MAGI1: variants seen among roughly 807,000 people sequenced by gnomAD.
The protein encoded by MAGI1 is membrane associated guanylate kinase, WW and PDZ domain containing 1.
Under a neutral mutation model 139.9 loss-of-function variants are expected in MAGI1, and 58 were observed. The observed-to-expected ratio is 0.41, with a 90% CI of 0.34 to 0.52. The LOEUF (loss-of-function observed/expected upper bound fraction) is 0.52. MAGI1 is among the 20% of genes least tolerant of loss of function. MAGI1 has a pLI of 0.12. For synonymous variants in MAGI1, 812 were observed against 737.9 expected (o/e 1.10, Z -1.63); for missense variants, 1,874 against 1,901.6 (o/e 0.99, Z 0.27).
intron 22 of MAGI1, chr3:65,359,834 G>A (rs1386087301): frequency 1.0e-5 from 10 of 985,488 alleles, no homozygotes; most frequent in Non-Finnish European, 1.1e-5. Flanking sequence ...GTTTTGAGAA[G>A]GTACACAGGT....
intron 1 of MAGI1, among the ~76,000 whole-genome samples, chr3:65,641,298 A>G (rs2084970259): frequency 6.6e-6 from 1 of 152,158 alleles, no homozygotes. Flanking sequence ...GAATGTTGTT[A>G]CCTCTAAGAC....
intron 1 of MAGI1, among the ~76,000 whole-genome samples, chr3:65,794,979 C>T (rs985665991): frequency 5.3e-5 from 8 of 152,012 alleles, no homozygotes; most frequent in Admixed American, 6.5e-5. Flanking sequence ...TATCCAACGA[C>T]GCAAATGACT....
At chr3:65,650,162 T>A (rs2085501006) in intron 1 of MAGI1, among the ~76,000 whole-genome samples, 1 of 152,194 alleles carries the variant, frequency 6.6e-6, no homozygotes, top group Non-Finnish European at 1.5e-5. Context: ...TGCTCTTGCA[T>A]AAATGCTCTG....
At chr3:65,610,802 TA>T (rs1343370462) in intron 2 of MAGI1, among the ~76,000 whole-genome samples, 1 of 127,620 alleles carries the variant, frequency 7.8e-6, no homozygotes, top group Admixed American at 8.2e-5. Flanking sequence ...ATAGTATATA[TA>T]GGTATATATA....
chr3:65,791,159 C>G (rs1163319994), intron 1 of MAGI1, among the ~76,000 whole-genome samples: 1 of 152,216 alleles, frequency 6.6e-6, no homozygotes, highest in South Asian at 2.1e-4. Flanking sequence ...CCCCACACAG[C>G]GCGTGCTGTC....
At chr3:65,907,919 C>T (rs1322727665) in intron 1 of MAGI1, among the ~76,000 whole-genome samples, 5 of 152,168 alleles carry the variant, frequency 3.3e-5, no homozygotes, top group African/African-American at 1.2e-4. Flanking sequence ...TCCCCTGTCA[C>T]GTGTTACCCC....
intron 1 of MAGI1, among the ~76,000 whole-genome samples, chr3:65,778,391 T>C (rs779362847): frequency 7.0e-5 from 10 of 142,796 alleles, no homozygotes; most frequent in Non-Finnish European, 1.2e-4. Flanking sequence ...GATAGTGCCA[T>C]TGCATTCCAG....
chr3:65,540,814 C>T (rs889957321), intron 2 of MAGI1, among the ~76,000 whole-genome samples: 2 of 152,120 alleles, frequency 1.3e-5, no homozygotes, highest in Non-Finnish European at 2.9e-5. Flanking sequence ...ATGGTGACTG[C>T]AAATGCAGCC....
chr3:65,581,346 A>C lies in MAGI1; in HGVS notation c.430+40626T>G, dbSNP rs1431306324. Among the ~76,000 whole-genome samples, 5 of 152,326 alleles carry C rather than the reference A, an allele frequency of 3.3e-5. No homozygotes were observed. The East Asian group carries it at 9.6e-4, about 29-fold the overall frequency. ...AAGAGAATTTTACTGTCCAGTAAAA[A>C]GGAAAATTACTGTACAAGAAAAAAA... On this transcript the variant is annotated intron_variant, in intron 2 of 22. Coordinates refer to ENST00000402939, the MANE Select transcript of MAGI1 (RefSeq NM_001033057.2).
rs190361497 is a variant in MAGI1 at position 65,543,761 on chromosome 3, G to T, written c.431-50130C>A. Among the ~76,000 whole-genome samples the T allele has an allele frequency of 1.8e-3, 267 of 151,966 alleles. 1 individual carries two copies. Among genetic ancestry groups the T allele is most frequent in the African/African-American group, 2.8e-3 (115 of 41,472 alleles). ...CACTGGGGCCTGTCAGGGATGGGGG[G>T]GGGTACAAGAGGGATAGCATTTGGA... On this transcript the variant is annotated intron_variant, in intron 2 of 22. Coordinates refer to ENST00000402939, the MANE Select transcript of MAGI1 (RefSeq NM_001033057.2).
At position 65,645,811 on chromosome 3, in the gene MAGI1, T is replaced by A. The variant is rs187006517; in HGVS notation, c.314-23723A>T. Among the ~76,000 whole-genome samples the A allele has an allele frequency of 3.8e-3, 586 of 152,220 alleles. 7 individuals carry two copies. The highest frequency in any genetic ancestry group is 0.014 in the African/African-American group (563 of 41,568). Reference sequence around the variant, plus strand: ...GGTAAAATGACCATTCTACATATAGTTATTTTATATACTTTTGAGTATATC... The same window carrying A: ...GGTAAAATGACCATTCTACATATAGATATTTTATATACTTTTGAGTATATC... On this transcript the variant is annotated intron_variant, in intron 1 of 22. Coordinates refer to ENST00000402939, the MANE Select transcript of MAGI1 (RefSeq NM_001033057.2).
chr3:65,368,165 A>C (rs1241409256), intron 18 of MAGI1, among the ~76,000 whole-genome samples: 2 of 152,220 alleles, frequency 1.3e-5, no homozygotes, highest in Non-Finnish European at 2.9e-5. Flanking sequence ...TACGGTGGAA[A>C]AAATATAAAA....
In MAGI1 at chr3:65,544,919, A is replaced by G. The variant is rs185612807; in HGVS notation, c.431-51288T>C. Among the ~76,000 whole-genome samples the G allele has an allele frequency of 7.9e-3, 1,204 of 152,318 alleles. 9 individuals carry two copies. Among genetic ancestry groups the G allele is most frequent in the Non-Finnish European group, 0.013 (898 of 68,018 alleles). ...ATGTGAGTGTGATTTATAAATATAA[A>G]CAGCCACATGCATGTTACCATTTGC... On this transcript the variant is annotated intron_variant, in intron 2 of 22. Coordinates refer to ENST00000402939, the MANE Select transcript of MAGI1 (RefSeq NM_001033057.2).
At chr3:65,360,750 A>AT (rs1340903180) in intron 22 of MAGI1, 2 of 1,008,828 alleles carry the variant, frequency 2.0e-6, no homozygotes, top group Non-Finnish European at 2.4e-6. Flanking sequence ...ATCTCTCAAA[A>AT]TTTCATGCCT....
chr3:65,697,287 T>C (rs532944031), intron 1 of MAGI1, among the ~76,000 whole-genome samples: 49 of 151,676 alleles, frequency 3.2e-4, no homozygotes, highest in African/African-American at 9.0e-4. Context: ...CTGAATTCTA[T>C]CAGAGGTACA....
chr3:65,595,815 GT>G (rs2082165120), intron 2 of MAGI1, among the ~76,000 whole-genome samples: 1 of 15,702 alleles, frequency 6.4e-5, no homozygotes, highest in Admixed American at 1.1e-3. Context: ...TCTGGGGTGG[GT>G]AGGGTGGGTA....
intron 1 of MAGI1, among the ~76,000 whole-genome samples, chr3:65,857,525 T>C (rs1429323076): frequency 6.6e-6 from 1 of 152,206 alleles, no homozygotes; most frequent in African/African-American, 2.4e-5. Flanking sequence ...CAGAGGGTCC[T>C]GCTGGGTCAC....
At chr3:66,022,082 G>C (rs1010047511) in intron 1 of MAGI1, among the ~76,000 whole-genome samples, 1 of 152,024 alleles carries the variant, frequency 6.6e-6, no homozygotes, top group African/African-American at 2.4e-5. Flanking sequence ...TCACCATGTT[G>C]TATTAAACCC....
chr3:65,846,844 C>G (rs1163817683), intron 1 of MAGI1, among the ~76,000 whole-genome samples: 1 of 151,958 alleles, frequency 6.6e-6, no homozygotes. Flanking sequence ...GCATTAAATA[C>G]ATATTTGAAA....
Sources: gnomAD v4.1 joint callset for allele counts (sites outside exome capture counted in the v4.1 genomes callset) on GRCh38, gnomAD v4.1.1 for gene constraint, MANE v1.5 for transcripts, NCBI Gene and HGNC (gene_info 2026-07-23, HGNC 2026-07-21) for gene names.